Variants in SMYD3 observed in about 807,000 individuals in gnomAD.
SMYD3 encodes the protein histone-lysine N-methyltransferase SMYD3.
In SMYD3, 36 loss-of-function variants were observed where a neutral mutation model predicts 57.7. The observed-to-expected ratio is 0.62, with a 90% CI of 0.48 to 0.82. The LOEUF (loss-of-function observed/expected upper bound fraction) is 0.82, where lower values mean the gene tolerates loss of function less well. Ranked by LOEUF, SMYD3 falls within the 40% of genes least tolerant of loss-of-function variation. The pLI, the probability that SMYD3 is intolerant of heterozygous loss-of-function variation, is 0.00. For missense variants in SMYD3, 515 were observed against 538.8 expected (o/e 0.96, Z 0.44); for synonymous variants, 211 against 195.0 (o/e 1.08, Z -0.68).
chr1:246,057,174 G>A (rs1242502680), intron 5 of SMYD3, among the ~76,000 whole-genome samples: 4 of 152,190 alleles, frequency 2.6e-5, no homozygotes, highest in African/African-American at 9.7e-5. Flanking sequence ...GGGCTTTTGT[G>A]ATGATTAAAT....
At chr1:246,352,313 A>G (rs1490149765) in intron 2 of SMYD3, among the ~76,000 whole-genome samples, 2 of 152,196 alleles carry the variant, frequency 1.3e-5, no homozygotes, top group Middle Eastern at 3.4e-3. Context: ...AACCAAAATC[A>G]TGTCCCCCTG....
intron 1 of SMYD3, among the ~76,000 whole-genome samples, chr1:246,396,899 G>A (rs546723080): frequency 6.6e-6 from 1 of 152,198 alleles, no homozygotes; most frequent in Non-Finnish European, 1.5e-5. Context: ...CTTTATAGCA[G>A]TGTGAGAACT....
chr1:245,954,421 C>T (rs1450386241), intron 5 of SMYD3, among the ~76,000 whole-genome samples: 1 of 152,170 alleles, frequency 6.6e-6, no homozygotes, highest in African/African-American at 2.4e-5. Flanking sequence ...CACCTGTAAT[C>T]TTAGCACTTT....
intron 5 of SMYD3, among the ~76,000 whole-genome samples, chr1:246,180,901 G>C (rs932986395): frequency 1.5e-4 from 23 of 150,580 alleles, no homozygotes; most frequent in Admixed American, 3.3e-4. Context: ...AACAGAGAAA[G>C]AGGCGTAAGG....
At chr1:246,143,958 C>T (rs2061803590) in intron 5 of SMYD3, among the ~76,000 whole-genome samples, 1 of 152,224 alleles carries the variant, frequency 6.6e-6, no homozygotes, top group Non-Finnish European at 1.5e-5. Flanking sequence ...CGTTTCCTCA[C>T]ACAACAGCAG....
intron 10 of SMYD3, among the ~76,000 whole-genome samples, chr1:245,855,507 G>A (rs1344926554): frequency 6.6e-6 from 1 of 152,122 alleles, no homozygotes; most frequent in Admixed American, 6.5e-5. Context: ...AATTTATGAA[G>A]TATTTTAAAA....
intron 5 of SMYD3, among the ~76,000 whole-genome samples, chr1:245,981,967 C>G (rs1213580036): frequency 6.6e-6 from 1 of 152,220 alleles, no homozygotes; most frequent in East Asian, 1.9e-4. Flanking sequence ...GCTCTGGGTG[C>G]AGACCCACGG....
intron 5 of SMYD3, among the ~76,000 whole-genome samples, chr1:246,095,245 T>A (rs1191539093): frequency 6.6e-6 from 1 of 152,202 alleles, no homozygotes; most frequent in East Asian, 1.9e-4. Flanking sequence ...GAAACAGGAG[T>A]TAAGACTGTC....
intron 5 of SMYD3, among the ~76,000 whole-genome samples, chr1:246,159,713 G>T (rs2062083149): frequency 6.6e-6 from 1 of 152,194 alleles, no homozygotes; most frequent in African/African-American, 2.4e-5. Flanking sequence ...TAAAACAGAA[G>T]ACCAGGGTGT....
intron 1 of SMYD3, among the ~76,000 whole-genome samples, chr1:246,476,061 T>C (rs1397145945): frequency 6.6e-6 from 1 of 152,232 alleles, no homozygotes; most frequent in Non-Finnish European, 1.5e-5. Context: ...CCTAAAGCTA[T>C]TTTTCTTTCA....
At chr1:245,839,406 T>A (rs1214194933) in intron 10 of SMYD3, among the ~76,000 whole-genome samples, 6 of 152,138 alleles carry the variant, frequency 3.9e-5, no homozygotes, top group African/African-American at 1.4e-4. Flanking sequence ...CCTGACCTCG[T>A]GATCCGCCCA....
chr1:245,988,192 C>T (rs1387151077), intron 5 of SMYD3, among the ~76,000 whole-genome samples: 1 of 152,074 alleles, frequency 6.6e-6, no homozygotes, highest in Non-Finnish European at 1.5e-5. Flanking sequence ...CCTCCCCTGC[C>T]CAGTCCTAAC....
chr1:246,227,964 TTTTTTTTTTTTTTTG>T (rs2148440304), intron 5 of SMYD3, among the ~76,000 whole-genome samples: 1 of 90,654 alleles, frequency 1.1e-5, no homozygotes, highest in East Asian at 1.2e-3. Context: ...TCCTTTTTTT[TTTTTTTTTTTTTTTG>T]GAGACAAAGT....
At chr1:246,221,389 G>GT (rs1459638890) in intron 5 of SMYD3, among the ~76,000 whole-genome samples, 1 of 152,192 alleles carries the variant, frequency 6.6e-6, no homozygotes, top group African/African-American at 2.4e-5. Flanking sequence ...CCACCGAATG[G>GT]TGAGGCTAAA....
chr1:246,174,922 T>C lies in SMYD3; in HGVS notation c.531+152279A>G, dbSNP rs112927048. 1.6e-3 allele frequency among the ~76,000 whole-genome samples: 247 copies of C among 152,362 alleles called. 1 individual carries two copies. Among genetic ancestry groups the C allele is most frequent in the African/African-American group, 5.5e-3 (229 of 41,584 alleles). On this transcript the variant is annotated intron_variant, in intron 5 of 11. Coordinates refer to ENST00000490107, the MANE Select transcript of SMYD3 (RefSeq NM_001167740.2). ...TGAATCTCTGCTGCTTTTAGAAATA[T>C]CTAAAATATTACAATACTTTCTAAG...
intron 1 of SMYD3, among the ~76,000 whole-genome samples, chr1:246,451,246 A>G (rs1191480127): frequency 6.6e-6 from 1 of 152,242 alleles, no homozygotes; most frequent in Non-Finnish European, 1.5e-5. Flanking sequence ...TCTTCGGGAA[A>G]GACATTCAGC....
At chr1:246,279,722 C>A (rs2064406755) in intron 5 of SMYD3, among the ~76,000 whole-genome samples, 1 of 152,016 alleles carries the variant, frequency 6.6e-6, no homozygotes, top group African/African-American at 2.4e-5. Context: ...TAGTGTAGTA[C>A]CATGGGGAAG....
chr1:246,217,768 A>C (rs1312324840), intron 5 of SMYD3, among the ~76,000 whole-genome samples: 1 of 152,236 alleles, frequency 6.6e-6, no homozygotes, highest in African/African-American at 2.4e-5. Flanking sequence ...TTGTAATTAA[A>C]GTGCTAATGT....
rs542365069 is a variant in SMYD3, at chr1:246,125,107, T to C, written c.532-195170A>G. Reference sequence around the variant, plus strand: ...AAAAAAACACACACACACACACACATCTGGAATTTCCCTTATGGAGTTATG... The same window carrying C: ...AAAAAAACACACACACACACACACACCTGGAATTTCCCTTATGGAGTTATG... On this transcript the variant is annotated intron_variant, in intron 5 of 11. Transcript: ENST00000490107. Among the ~76,000 whole-genome samples the C allele has an allele frequency of 1.5e-3, 192 of 131,572 alleles. 1 individual carries two copies. Among genetic ancestry groups the C allele is most frequent in the African/African-American group, 5.5e-3 (179 of 32,544 alleles). The allele number at this position is 131,572 out of a possible 152,430, so 86.3% of individuals were successfully genotyped here. A position where few individuals can be genotyped will look rare whatever the true frequency, so the allele number is the denominator to read the frequency against.
Sources: allele counts gnomAD v4.1 joint callset (sites outside exome capture counted in the v4.1 genomes callset), GRCh38; gene constraint gnomAD v4.1.1; transcripts MANE v1.5; gene names NCBI Gene and HGNC (gene_info 2026-07-23, HGNC 2026-07-21).